PDS5A: variants seen among roughly 807,000 people sequenced by gnomAD.
The protein encoded by PDS5A is sister chromatid cohesion protein PDS5 homolog A.
A neutral mutation model predicts 167.1 loss-of-function variants in PDS5A; 42 were observed. The observed-to-expected ratio is 0.25, with a 90% CI of 0.20 to 0.33. PDS5A has a LOEUF of 0.33. PDS5A is among the 10% of genes least tolerant of loss of function. The pLI is 1.00. For synonymous variants in PDS5A, 553 were observed against 554.6 expected (o/e 1.00, Z 0.04); for missense variants, 1,033 against 1,605.9 (o/e 0.64, Z 6.10).
At chr4:39,968,367 T>C (rs1443480291) in intron 2 of PDS5A, among the ~76,000 whole-genome samples, 3 of 148,196 alleles carry the variant, frequency 2.0e-5, no homozygotes, top group South Asian at 2.2e-4. Context: ...TTTTTTGAGA[T>C]GGAGTTTCGC....
chr4:39,900,646 T>C, intron 13 of PDS5A, 139 bp from the exon 14 acceptor site: 3 of 611,894 alleles, frequency 4.9e-6, no homozygotes, highest in Non-Finnish European at 8.8e-6. Context: ...GGAAATATAT[T>C]TATTAGGATT....
At chr4:39,827,397 AGACCCAG>A (rs1715423218) in intron 32 of PDS5A, among the ~76,000 whole-genome samples, 1 of 152,202 alleles carries the variant, frequency 6.6e-6, no homozygotes, top group Admixed American at 6.5e-5. Flanking sequence ...GACTTCTGAA[AGACCCAG>A]GTCACTGGAA....
intron 9 of PDS5A, among the ~76,000 whole-genome samples, chr4:39,911,835 TAAAAAAAAA>T (rs35068853): frequency 1.1e-4 from 14 of 125,290 alleles, no homozygotes; most frequent in African/African-American, 4.3e-4. Context: ...CCGTCTCAAT[TAAAAAAAAA>T]AAAAAAAAAA....
chr4:39,828,400 T>C (rs986033029), intron 32 of PDS5A, among the ~76,000 whole-genome samples: 4 of 152,148 alleles, frequency 2.6e-5, no homozygotes, highest in African/African-American at 4.8e-5. Context: ...ATAAACCCTA[T>C]AGGTAGGAAT....
At chr4:39,872,206 C>T (rs1389304040) in intron 21 of PDS5A, among the ~76,000 whole-genome samples, 13 of 114,478 alleles carry the variant, frequency 1.1e-4, no homozygotes, top group Middle Eastern at 7.2e-3. Flanking sequence ...GACAGAGTTT[C>T]GCTCTTGTTG....
chr4:39,896,945 A>T (rs1009357792), intron 16 of PDS5A, among the ~76,000 whole-genome samples: 1 of 151,420 alleles, frequency 6.6e-6, no homozygotes, highest in Non-Finnish European at 1.5e-5. Flanking sequence ...ATACATGTGC[A>T]CAATGTGCAG....
Position 39,845,818 on chromosome 4 carries a change from C to A in PDS5A, c.3402G>T (p.Lys1134Asn). ...CTCAAAATTATTAAGTAAATAATAC[C>A]TTTCCTGTTAACAGAAGTACTCTTG... ...EETRVLLLTG[K>N]PKPAGVLGAV... Residue 1134 changes from lysine to asparagine, a missense_variant and splice_region_variant, in exon 29 of 33, where the codon AAG becomes AAT. By Grantham distance (94) the Lys-to-Asn change is moderately conservative. Transcript: ENST00000303538. 1 of 1,401,576 alleles carries A rather than the reference C, an allele frequency of 7.1e-7. No individual in the cohort carries two copies. Among genetic ancestry groups the A allele is most frequent in the East Asian group, 2.9e-5 (1 of 33,974 alleles). The allele number at this position is 1,401,576 out of a possible 1,614,324, so 86.8% of individuals were successfully genotyped here.
chr4:39,959,075 T>A (rs980155975), intron 2 of PDS5A, among the ~76,000 whole-genome samples: 8 of 152,176 alleles, frequency 5.3e-5, no homozygotes, highest in Non-Finnish European at 1.0e-4. Flanking sequence ...TTCTTAGTGA[T>A]CTTTTTATCT....
intron 26 of PDS5A, among the ~76,000 whole-genome samples, chr4:39,851,603 T>C (rs1578605750): frequency 6.6e-6 from 1 of 152,330 alleles, no homozygotes; most frequent in Admixed American, 6.5e-5. Flanking sequence ...AATATTTTTT[T>C]TGAGGCATTA....
intron 13 of PDS5A, among the ~76,000 whole-genome samples, chr4:39,901,810 T>G (rs1722910475): frequency 6.6e-6 from 1 of 152,158 alleles, no homozygotes; most frequent in East Asian, 1.9e-4. Flanking sequence ...GTGTACAACA[T>G]AATATATGTA....
chr4:39,973,071 G>T, intron 2 of PDS5A: 1 of 702,864 alleles, frequency 1.4e-6, no homozygotes, highest in Non-Finnish European at 2.6e-6. Context: ...GTTTTTCGAT[G>T]TTTAGATATT....
chr4:39,841,093 G>T (rs1271782860), intron 31 of PDS5A, among the ~76,000 whole-genome samples: 1 of 151,996 alleles, frequency 6.6e-6, no homozygotes, highest in African/African-American at 2.4e-5. Context: ...ACAAAGCAAA[G>T]GGCTGATCTC....
At chr4:39,872,852 T>C (rs1720167468) in intron 21 of PDS5A, 134 bp downstream of exon 21, 3 of 468,562 alleles carry the variant, frequency 6.4e-6, no homozygotes, top group Non-Finnish European at 1.1e-5. Context: ...TTTAAATAAA[T>C]AAAAAATAAG....
chr4:39,863,200 G>A lies in PDS5A; in HGVS notation c.2767-127C>T, dbSNP rs1719144426. The A allele has an allele frequency of 4.3e-6, 4 of 930,522 alleles. No individual in the cohort carries two copies. In the East Asian group the frequency reaches 7.9e-5, roughly 18 times the overall value. The allele number at this position is 930,522 out of a possible 1,614,324, so 57.6% of individuals were successfully genotyped here. A position where few individuals can be genotyped will look rare whatever the true frequency, so the allele number is the denominator to read the frequency against. On this transcript the variant is annotated intron_variant, in intron 24 of 32. Transcript: ENST00000303538. ...TGGGAGAATAAATAATGTAATAATT[G>A]GAAGACAGTTAAACAGGTAATAATA...
At chr4:39,945,160 T>TA (rs1367877404) in intron 2 of PDS5A, among the ~76,000 whole-genome samples, 1 of 151,948 alleles carries the variant, frequency 6.6e-6, no homozygotes, top group Non-Finnish European at 1.5e-5. Context: ...TCCAAGGGCA[T>TA]AAAAATCTAA....
At chr4:39,943,620 C>CAAAAAAAA (rs67431661) in intron 2 of PDS5A, among the ~76,000 whole-genome samples, 21 of 109,748 alleles carry the variant, frequency 1.9e-4, no homozygotes, top group Admixed American at 4.1e-4. Flanking sequence ...CCCGTTTCTA[C>CAAAAAAAA]AAAAAAAAAA....
At chr4:39,859,586 T>C (rs1328952556) in intron 26 of PDS5A, among the ~76,000 whole-genome samples, 1 of 152,202 alleles carries the variant, frequency 6.6e-6, no homozygotes, top group Non-Finnish European at 1.5e-5. Flanking sequence ...TTAATGCACC[T>C]GAAGTAGGGG....
intron 30 of PDS5A, among the ~76,000 whole-genome samples, chr4:39,842,909 T>TTATATATA (rs71194933): frequency 0.1 from 9,239 of 91,920 alleles, 724 homozygotes; most frequent in African/African-American, 0.12. Context: ...TATCCTATTT[T>TTATATATA]TATATATATA....
At chr4:39,958,547 G>A (rs1400373548) in intron 2 of PDS5A, among the ~76,000 whole-genome samples, 1 of 148,672 alleles carries the variant, frequency 6.7e-6, no homozygotes, top group Admixed American at 6.7e-5. Flanking sequence ...AATTACCTAA[G>A]CCTTACCTAA....
Sources: gnomAD v4.1 joint callset for allele counts (sites outside exome capture counted in the v4.1 genomes callset) on GRCh38, gnomAD v4.1.1 for gene constraint, MANE v1.5 for transcripts, NCBI Gene and HGNC (gene_info 2026-07-23, HGNC 2026-07-21) for gene names.